DHRS2: variants seen among roughly 807,000 people sequenced by gnomAD.
The protein encoded by DHRS2 is dehydrogenase/reductase SDR family member 2, mitochondrial.
In DHRS2, 29 loss-of-function variants were observed where a neutral mutation model predicts 26.3. The observed-to-expected ratio is 1.10, with a 90% CI of 0.82 to 1.50. The LOEUF is 1.50. DHRS2 is among the 40% of genes most tolerant of loss of function. The pLI, the probability that DHRS2 is intolerant of heterozygous loss-of-function variation, is 0.00. For missense variants in DHRS2, 439 were observed against 367.1 expected (o/e 1.20, Z -1.60); for synonymous variants, 164 against 151.3 (o/e 1.08, Z -0.62).
chr14:23,645,348 T>C lies in DHRS2; in HGVS notation c.*95T>C, dbSNP rs1375190691. The C allele has an allele frequency of 1.3e-6, 2 of 1,599,714 alleles. No individual in the cohort carries two copies. The highest frequency in any genetic ancestry group is 1.3e-5 in the African/African-American group (1 of 74,886). On this transcript the variant is annotated 3_prime_UTR_variant, in exon 9 of 9. Transcript: ENST00000250383. The stretch of plus-strand genomic sequence containing the variant: ...TTGGATCTGGAGGCAGAGTCTGCCA[T>C]TCTGCCAGACTAGCAATTTGGGGGC...
Position 23,638,957 on chromosome 14 carries a change from G to A in DHRS2, c.93G>A (p.Lys31=), listed in dbSNP as rs141084997. The change falls in exon 2 of 9, where the codon AAG becomes AAA. Residue 31 remains lysine (K), a synonymous_variant. Transcript: ENST00000250383. ...VRMSSTGIDR[K]GVLANRVAVV... Reference sequence around the variant, plus strand: ...TGAGCAGCACCGGGATAGACAGGAAGGGCGTCCTGGCTAACCGGGTAGCCG... The same window carrying A: ...TGAGCAGCACCGGGATAGACAGGAAAGGCGTCCTGGCTAACCGGGTAGCCG... The A allele has an allele frequency of 1.5e-5, 25 of 1,613,918 alleles. No homozygotes were observed. The African/African-American group carries it at 2.9e-4, about 19-fold the overall frequency.
At position 23,639,844 on chromosome 14, in the gene DHRS2, C is replaced by G. The variant is rs1263553936; in HGVS notation, c.369C>G (p.Val123=). ...GVDFLVCSAG[V]NPLVGSTLGT... is the part of the protein sequence containing the mutation. ...ACTTCCTGGTGTGCAGCGCAGGGGT[C>G]AACCCTCTGGTAGGGAGCACTCTGG... Residue 123 remains valine, a synonymous_variant, in exon 4 of 9, where the codon GTC becomes GTG. Coordinates refer to ENST00000250383, the MANE Select transcript of DHRS2 (RefSeq NM_005794.4). 2.5e-6 allele frequency: 4 copies of G among 1,610,038 alleles called. No individual in the cohort carries two copies. Among genetic ancestry groups the G allele is most frequent in the Non-Finnish European group, 3.4e-6 (4 of 1,177,872 alleles).
At chr14:23,645,085 C>A in intron 8 of DHRS2, 57 bp from the exon 9 acceptor site, 1 of 1,609,486 alleles carries the variant, frequency 6.2e-7, no homozygotes, top group South Asian at 1.1e-5. Context: ...TCCGTGAGCC[C>A]CAGAGCAGCA....
chr14:23,634,167 A>C (rs1890202181), upstream of DHRS2, among the ~76,000 whole-genome samples: 1 of 140,788 alleles, frequency 7.1e-6, no homozygotes, highest in Non-Finnish European at 1.5e-5. Flanking sequence ...TCCTGGGTTC[A>C]AGCGACTCTC....
chr14:23,644,821 G>A lies in DHRS2; in HGVS notation c.676-6G>A. ...ACTGACTCCTTCATTTCTTCCCTTT[G>A]CCCAGTTTCATGGGAATGAGTCTCT... On this transcript the variant is annotated splice_region_variant and splice_polypyrimidine_tract_variant and intron_variant, in intron 7 of 8. Coordinates refer to ENST00000250383, the MANE Select transcript of DHRS2 (RefSeq NM_005794.4). 3 of 1,614,122 alleles carry A rather than the reference G, an allele frequency of 1.9e-6. No homozygotes were observed. Among genetic ancestry groups the A allele is most frequent in the Non-Finnish European group, 2.5e-6 (3 of 1,179,982 alleles).
chr14:23,644,810 T>A lies in DHRS2; in HGVS notation c.676-17T>A. On this transcript the variant is annotated splice_polypyrimidine_tract_variant and intron_variant, in intron 7 of 8. Transcript: ENST00000250383. ...GTTTTAGTAGCACTGACTCCTTCAT[T>A]TCTTCCCTTTGCCCAGTTTCATGGG... 6.2e-7 allele frequency: 1 copy of A among 1,614,098 alleles called. No individual in the cohort carries two copies. Among genetic ancestry groups the A allele is most frequent in the Non-Finnish European group, 8.5e-7 (1 of 1,179,896 alleles).
At position 23,643,138 on chromosome 14, in the gene DHRS2, T is replaced by A. The variant is rs568515163; in HGVS notation, c.421-14T>A. ...TGTCTCTCTGCCCTCACCCATGCTCTGCTCTGATTTCAGATCCTAAGTGTG... is the reference window on the plus strand; with the variant it reads ...TGTCTCTCTGCCCTCACCCATGCTCAGCTCTGATTTCAGATCCTAAGTGTG... On this transcript the variant is annotated splice_polypyrimidine_tract_variant and intron_variant, in intron 4 of 8. Transcript: ENST00000250383. 1 of 1,613,978 alleles carries A rather than the reference T, an allele frequency of 6.2e-7. No homozygotes were observed. The highest frequency in any genetic ancestry group is 2.2e-5 in the East Asian group (1 of 44,874).
Position 23,643,110 on chromosome 14 carries a change from C to T in DHRS2, c.421-42C>T, listed in dbSNP as rs1332806767. 1.9e-6 allele frequency: 3 copies of T among 1,602,858 alleles called. No individual in the cohort carries two copies. In the Admixed American group the frequency reaches 5.0e-5, roughly 27 times the overall value. ...CTTATGAGAGCAGGACTTGGGCTGACCATGTCTCTCTGCCCTCACCCATGC... is the reference window on the plus strand; with the variant it reads ...CTTATGAGAGCAGGACTTGGGCTGATCATGTCTCTCTGCCCTCACCCATGC... On this transcript the variant is annotated intron_variant, in intron 4 of 8. Coordinates refer to ENST00000250383, the MANE Select transcript of DHRS2 (RefSeq NM_005794.4).
upstream of DHRS2, among the ~76,000 whole-genome samples, chr14:23,632,962 T>A (rs1345702089): frequency 3.9e-5 from 6 of 152,126 alleles, no homozygotes; most frequent in South Asian, 1.2e-3. Flanking sequence ...CTTCCCTCCC[T>A]CTCTCAACAG....
upstream of DHRS2, among the ~76,000 whole-genome samples, chr14:23,632,523 G>A (rs557465859): frequency 4.6e-5 from 7 of 152,316 alleles, no homozygotes; most frequent in South Asian, 1.4e-3. Context: ...CCTTCCCAAA[G>A]CAAAGCATTT....
At chr14:23,643,825 C>G in intron 5 of DHRS2, 1 of 468,686 alleles carries the variant, frequency 2.1e-6, no homozygotes, top group East Asian at 4.2e-5. Context: ...CTTCACAAAG[C>G]CCACCCTGCC....
At chr14:23,643,491 A>C in intron 5 of DHRS2, 1 of 451,154 alleles carries the variant, frequency 2.2e-6, no homozygotes, top group Non-Finnish European at 4.1e-6. Context: ...TAACTCCTTG[A>C]CCTTGTGGGC....
intron 1 of DHRS2, chr14:23,638,176 ACACT>A (rs1466504083): frequency 6.5e-6 from 1 of 153,808 alleles, no homozygotes; most frequent in Admixed American, 6.5e-5. Flanking sequence ...AAGAGCTGTA[ACACT>A]CACTGCGAAG....
intron 3 of DHRS2, 57 bp from the exon 4 acceptor site, chr14:23,639,737 T>C: frequency 6.6e-7 from 1 of 1,518,916 alleles, no homozygotes; most frequent in South Asian, 1.3e-5. Flanking sequence ...TGGGCTGCCC[T>C]GGGAGGGATA....
chr14:23,643,217 C>T lies in DHRS2; in HGVS notation c.486C>T (p.Asn162=), dbSNP rs776486354. The change falls in exon 5 of 9, where the codon AAC becomes AAT. Residue 162 remains asparagine, a splice_region_variant and synonymous_variant. Transcript: ENST00000250383. ...LLSQLLPYME[N]RRGAVILVSS... ...GCCAGTTGCTGCCCTACATGGAGAACAGGTATGGCAGGGCGGGGGTGGGGA... is the reference window on the plus strand; with the variant it reads ...GCCAGTTGCTGCCCTACATGGAGAATAGGTATGGCAGGGCGGGGGTGGGGA... The T allele has an allele frequency of 3.1e-6, 5 of 1,613,786 alleles. No individual in the cohort carries two copies. Among genetic ancestry groups the T allele is most frequent in the African/African-American group, 2.7e-5 (2 of 74,908 alleles).
At chr14:23,645,075 T>C (rs1890822190) in intron 8 of DHRS2, 67 bp from the exon 9 acceptor site, 1 of 1,606,450 alleles carries the variant, frequency 6.2e-7, no homozygotes, top group Non-Finnish European at 8.5e-7. Context: ...CCACCTGTCA[T>C]CCGTGAGCCC....
At chr14:23,642,914 C>T in intron 4 of DHRS2, 1 of 470,528 alleles carries the variant, frequency 2.1e-6, no homozygotes, top group African/African-American at 2.0e-5. Context: ...CGTGTCAGTC[C>T]TGAACAATTC....
intron 1 of DHRS2, among the ~76,000 whole-genome samples, chr14:23,630,739 C>T (rs181529002): frequency 1.7e-3 from 266 of 152,272 alleles, no homozygotes; most frequent in African/African-American, 6.3e-3. Flanking sequence ...GGCAGAGACA[C>T]AAATCAATAC....
chr14:23,634,431 C>G (rs1490614919), upstream of DHRS2, among the ~76,000 whole-genome samples: 2 of 152,080 alleles, frequency 1.3e-5, no homozygotes, highest in Non-Finnish European at 2.9e-5. Context: ...CCACTCTCCT[C>G]ACTTTTGTGG....
Sources: gnomAD v4.1 joint callset for allele counts (sites outside exome capture counted in the v4.1 genomes callset) on GRCh38, gnomAD v4.1.1 for gene constraint, MANE v1.5 for transcripts, NCBI Gene and HGNC (gene_info 2026-07-23, HGNC 2026-07-21) for gene names.